PTPRC: variants seen among roughly 807,000 people sequenced by gnomAD.
PTPRC encodes the protein receptor-type tyrosine-protein phosphatase C.
PTPRC carries 44 observed loss-of-function variants against 155.9 expected under a neutral mutation model. That is an observed-to-expected ratio of 0.28 (90% CI 0.22 to 0.36). The LOEUF (loss-of-function observed/expected upper bound fraction) is 0.36. Among genes scored for constraint, PTPRC ranks in the 10% least tolerant of loss-of-function variants. PTPRC has a pLI of 1.00. For synonymous variants in PTPRC, 525 were observed against 533.1 expected (o/e 0.98, Z 0.21); for missense variants, 1,401 against 1,564.6 (o/e 0.90, Z 1.76).
At chr1:198,728,599 A>G (rs1290429358) in intron 16 of PTPRC, 151 bp downstream of exon 16, 2 of 898,086 alleles carry the variant, frequency 2.2e-6, no homozygotes, top group Non-Finnish European at 1.6e-6. Flanking sequence ...CTTTTAATCA[A>G]AAACTTTTAG....
intron 2 of PTPRC, among the ~76,000 whole-genome samples, chr1:198,643,869 G>A (rs1355898172): frequency 1.3e-5 from 2 of 151,954 alleles, no homozygotes; most frequent in Non-Finnish European, 2.9e-5. Context: ...TGCAAGGGCA[G>A]ATGGAATATG....
chr1:198,639,769 G>GCCA (rs1380490925), intron 2 of PTPRC, among the ~76,000 whole-genome samples: 2 of 152,060 alleles, frequency 1.3e-5, no homozygotes, highest in African/African-American at 4.8e-5. Flanking sequence ...TTGTATGTAA[G>GCCA]CCACTCCCTC....
chr1:198,654,234 A>C (rs1427895193), intron 2 of PTPRC, among the ~76,000 whole-genome samples: 3 of 151,882 alleles, frequency 2.0e-5, no homozygotes, highest in Non-Finnish European at 4.4e-5. Flanking sequence ...TTTAAGGTCC[A>C]TCAAAATGCT....
chr1:198,679,800 A>G, intron 2 of PTPRC: 1 of 500,700 alleles, frequency 2.0e-6, no homozygotes, highest in East Asian at 3.2e-5. Flanking sequence ...GACGCCATTC[A>G]GTGTATTGGG....
intron 2 of PTPRC, among the ~76,000 whole-genome samples, chr1:198,668,122 C>T (rs1276361965): frequency 6.6e-6 from 1 of 152,080 alleles, no homozygotes; most frequent in African/African-American, 2.4e-5. Flanking sequence ...GGACAACCAG[C>T]AAAAACAGTG....
At chr1:198,653,096 A>C (rs556703012) in intron 2 of PTPRC, among the ~76,000 whole-genome samples, 28 of 151,992 alleles carry the variant, frequency 1.8e-4, no homozygotes, top group Non-Finnish European at 3.7e-4. Context: ...TTTTCTATTA[A>C]TATCAATTTA....
chr1:198,742,240 T>C lies in PTPRC; in HGVS notation c.2570T>C (p.Val857Ala), dbSNP rs766849638. Residue 857 changes from valine to alanine, a missense_variant, in exon 25 of 33, where the codon GTT becomes GCT. Transcript: ENST00000442510. ...TTTGCTTGGTTTGCCAGTGCTGGTG[T>C]TGGGCGCACAGGAACCTATATCGGA... is the stretch of plus-strand genomic sequence containing the variant. ...GPIVVHCSAGVGRTGTYIGID... is the reference protein window; with the variant it reads ...GPIVVHCSAGAGRTGTYIGID... 2 of 1,612,222 alleles carry C rather than the reference T, an allele frequency of 1.2e-6. No homozygotes were observed. The highest frequency in any genetic ancestry group is 2.2e-5 in the East Asian group (1 of 44,808).
chr1:198,668,888 T>G (rs1290752230), intron 2 of PTPRC, among the ~76,000 whole-genome samples: 1 of 152,170 alleles, frequency 6.6e-6, no homozygotes. Flanking sequence ...TTACCTGCCA[T>G]CTATCCATGG....
At position 198,732,494 on chromosome 1, in the gene PTPRC, G is replaced by A. The variant is rs745947898; in HGVS notation, c.2080G>A (p.Val694Ile). Residue 694 changes from valine to isoleucine, a missense_variant, in exon 20 of 33, where the codon GTT becomes ATT. Physicochemically the swap from Val to Ile is conservative, Grantham distance 29. Coordinates refer to ENST00000442510, the MANE Select transcript of PTPRC (RefSeq NM_002838.5). ...TCCTTAAACAGATGATTATAACCGT[G>A]TTGAACTCTCTGAGATAAACGGAGA... Reference protein sequence around the residue: ...VDILPYDYNRVELSEINGDAG... With the variant: ...VDILPYDYNRIELSEINGDAG... The A allele has an allele frequency of 1.2e-6, 2 of 1,610,752 alleles. No individual in the cohort carries two copies. The highest frequency in any genetic ancestry group is 1.1e-5 in the South Asian group (1 of 90,998).
intron 23 of PTPRC, among the ~76,000 whole-genome samples, chr1:198,740,765 AT>A (rs1383081316): frequency 7.9e-5 from 12 of 151,882 alleles, no homozygotes; most frequent in Non-Finnish European, 4.4e-5. Flanking sequence ...GAAGAAATGG[AT>A]AAATTCCTAG....
intron 2 of PTPRC, among the ~76,000 whole-genome samples, chr1:198,682,622 T>G (rs929016521): frequency 3.9e-5 from 6 of 152,214 alleles, no homozygotes; most frequent in Non-Finnish European, 7.4e-5. Flanking sequence ...CCCACTTCTT[T>G]TACAAGGTAT....
At chr1:198,690,419 C>T (rs1220825880) in intron 2 of PTPRC, among the ~76,000 whole-genome samples, 1 of 151,178 alleles carries the variant, frequency 6.6e-6, no homozygotes, top group African/African-American at 2.4e-5. Context: ...TAAAAGCTAA[C>T]TAGATAAGAA....
chr1:198,688,567 C>T (rs1665758820), intron 2 of PTPRC, among the ~76,000 whole-genome samples: 1 of 152,174 alleles, frequency 6.6e-6, no homozygotes, highest in African/African-American at 2.4e-5. Context: ...TAACTTGACA[C>T]ACCTCTAAAT....
chr1:198,678,485 T>C (rs1338257355), intron 2 of PTPRC, among the ~76,000 whole-genome samples: 1 of 152,194 alleles, frequency 6.6e-6, no homozygotes, highest in Non-Finnish European at 1.5e-5. Context: ...AAGCTGTCAA[T>C]GAGCACTGCT....
intron 32 of PTPRC, 169 bp downstream of exon 32, chr1:198,754,573 G>T: frequency 1.3e-6 from 1 of 781,624 alleles, no homozygotes; most frequent in Non-Finnish European, 2.0e-6. Flanking sequence ...ACTTTTACAT[G>T]ATAATTCACA....
At chr1:198,737,839 C>T (rs1654719340) in intron 23 of PTPRC, among the ~76,000 whole-genome samples, 2 of 151,558 alleles carry the variant, frequency 1.3e-5, no homozygotes, top group African/African-American at 4.8e-5. Flanking sequence ...TTTCTTGCAT[C>T]AATGTTTCAT....
chr1:198,667,193 C>T (rs915918307), intron 2 of PTPRC: 1 of 152,168 alleles, frequency 6.6e-6, no homozygotes, highest in Non-Finnish European at 1.5e-5. Context: ...AAACCTTCCC[C>T]AGAAGCTTTT....
intron 17 of PTPRC, 119 bp from the exon 18 acceptor site, chr1:198,731,498 A>G: frequency 1.3e-6 from 1 of 746,672 alleles, no homozygotes; most frequent in Non-Finnish European, 2.4e-6. Context: ...TTCTCAGATG[A>G]AATGTGTACG....
intron 5 of PTPRC, among the ~76,000 whole-genome samples, chr1:198,701,627 G>C (rs996582306): frequency 6.6e-6 from 1 of 152,302 alleles, no homozygotes; most frequent in East Asian, 1.9e-4. Flanking sequence ...AAAATGGAAA[G>C]TTCTAACCTA....
Sources: allele counts gnomAD v4.1 joint callset (sites outside exome capture counted in the v4.1 genomes callset), GRCh38; gene constraint gnomAD v4.1.1; transcripts MANE v1.5; gene names NCBI Gene and HGNC (gene_info 2026-07-23, HGNC 2026-07-21).